The following OGA variants were observed in gnomAD, a reference collection of about 807,000 sequenced individuals.
OGA encodes the protein protein O-GlcNAcase.
Under a neutral mutation model 102.0 loss-of-function variants are expected in OGA, and 21 were observed. The ratio of observed to expected loss-of-function variants is 0.21; its 90% CI spans 0.15 to 0.30. The LOEUF (loss-of-function observed/expected upper bound fraction) is 0.30. OGA is among the 10% of genes least tolerant of loss of function. The pLI is 1.00. For synonymous variants in OGA, 408 were observed against 378.2 expected, an observed-to-expected ratio of 1.08 and a Z score of -0.91; for missense variants, 765 against 1,107.8, an observed-to-expected ratio of 0.69 and a Z score of 4.39.
chr10:101,795,216 C>T (rs969496033), intron 10 of OGA, among the ~76,000 whole-genome samples: 5 of 152,176 alleles, frequency 3.3e-5, no homozygotes, highest in African/African-American at 1.2e-4. Context: ...TCCCCTACCC[C>T]CTACTTTGAG....
At chr10:101,798,497 G>A (rs910449987) in intron 9 of OGA, among the ~76,000 whole-genome samples, 29 of 143,234 alleles carry the variant, frequency 2.0e-4, no homozygotes, top group African/African-American at 6.8e-4. Flanking sequence ...TGCAAACTCC[G>A]CCTCCCGGGT....
At position 101,803,140 on chromosome 10, in the gene OGA, C is replaced by CAA. The variant is rs370725618; in HGVS notation, c.1036+593_1036+594dup. Among the ~76,000 whole-genome samples, 17 of 64,394 alleles carry CAA rather than the reference C, an allele frequency of 2.6e-4. No individual in the cohort carries two copies. In the South Asian group the frequency reaches 4.0e-3, roughly 15 times the overall value. 42.2% of individuals were successfully genotyped at this position (64,394 alleles called of 152,430 possible). On this transcript the variant is annotated intron_variant, in intron 7 of 15. Transcript: ENST00000361464. Reference sequence around the variant, plus strand: ...TGGGCGATGGAGCAAAACTCCATCTCAAAAAAAAAAAAAAAGAGTATGTTC... The same window carrying CAA: ...TGGGCGATGGAGCAAAACTCCATCTCAAAAAAAAAAAAAAAAAGAGTATGTTC...
At chr10:101,812,963 A>G in intron 3 of OGA, 67 bp downstream of exon 3, 1 of 1,202,606 alleles carries the variant, frequency 8.3e-7, no homozygotes, top group South Asian at 1.2e-5. Flanking sequence ...TTCTTGTACA[A>G]CTACATTTAA....
chr10:101,790,250 C>T lies in OGA; in HGVS notation c.2454+646G>A, dbSNP rs562930869. 4.8e-5 allele frequency among the ~76,000 whole-genome samples: 7 copies of T among 146,982 alleles called. No homozygotes were observed. The South Asian group carries it at 1.1e-3, about 23-fold the overall frequency. On this transcript the variant is annotated intron_variant, in intron 14 of 15. Transcript: ENST00000361464. ...AAATTGTCCTGAGTACTCAACAAAA[C>T]GACCATAATATCTTGTTTTTTTTTT...
chr10:101,814,785 G>A (rs1003841457), intron 1 of OGA, among the ~76,000 whole-genome samples: 3 of 152,116 alleles, frequency 2.0e-5, no homozygotes, highest in African/African-American at 7.2e-5. Flanking sequence ...AATAAACAAA[G>A]AAAACTCAAG....
Position 101,798,989 on chromosome 10 carries a change from G to A in OGA, c.1662C>T (p.Thr554=). The A allele has an allele frequency of 1.2e-6, 2 of 1,614,082 alleles. No individual in the cohort carries two copies. Among genetic ancestry groups the A allele is most frequent in the Non-Finnish European group, 1.7e-6 (2 of 1,180,020 alleles). Residue 554 remains threonine (T), a synonymous_variant, in exon 9 of 16, where the codon ACC becomes ACT. Transcript: ENST00000361464. ...CAGCAAGTAACTGCAAATCCTCCAG[G>A]GTCACTGGTTCCGCAGTGTACAAAG... ...EKPLYTAEPV[T]LEDLQLLADL...
At chr10:101,802,687 A>C (rs2065409135) in intron 7 of OGA, among the ~76,000 whole-genome samples, 1 of 151,752 alleles carries the variant, frequency 6.6e-6, no homozygotes, top group East Asian at 2.0e-4. Flanking sequence ...AAAAAAAAAA[A>C]CTACTTTATT....
chr10:101,803,250 T>A (rs140827883), intron 7 of OGA, among the ~76,000 whole-genome samples: 17 of 151,812 alleles, frequency 1.1e-4, no homozygotes, highest in African/African-American at 4.1e-4. Flanking sequence ...TTCAATAAAA[T>A]TGCCTGAAAA....
rs768048738 is a variant in OGA, at chr10:101,803,961, A to T, written c.810T>A (p.Ile270=). The change falls in exon 7 of 16, where the codon ATT becomes ATA. Residue 270 remains isoleucine, a synonymous_variant. Transcript: ENST00000361464. ...PVESIEEVSK[I]IKRAPVIWDN... ...CCCAGATTACTGGAGCTCTCTTAAT[A>T]ATCTTAGAAACCTCTTCGATGGACT... 6.2e-7 allele frequency: 1 copy of T among 1,614,062 alleles called. No homozygotes were observed. Among genetic ancestry groups the T allele is most frequent in the Non-Finnish European group, 8.5e-7 (1 of 1,179,916 alleles).
intron 14 of OGA, 33 bp downstream of exon 14, chr10:101,790,863 T>C (rs1161380356): frequency 1.4e-6 from 2 of 1,420,100 alleles, no homozygotes; most frequent in Non-Finnish European, 1.9e-6. Context: ...AAAAAGACCA[T>C]TACCATAGTA....
At chr10:101,790,375 C>G (rs548690177) in intron 14 of OGA, among the ~76,000 whole-genome samples, 1 of 147,636 alleles carries the variant, frequency 6.8e-6, no homozygotes, top group African/African-American at 2.5e-5. Flanking sequence ...TGGGTTCAAG[C>G]AATTCTCCTG....
intron 4 of OGA, among the ~76,000 whole-genome samples, chr10:101,809,773 A>G (rs1285054422): frequency 6.6e-6 from 1 of 151,806 alleles, no homozygotes; most frequent in Admixed American, 6.6e-5. Context: ...AAAGAAATAA[A>G]AAACCAGGCA....
rs2065617972 is a variant in OGA at position 101,815,961 on chromosome 10, GAGAAAAAAAAAAAAAAAA to G, written c.199+1845_199+1862del. Among the ~76,000 whole-genome samples the G allele has an allele frequency of 5.5e-4, 13 of 23,790 alleles. No homozygotes were observed. The East Asian group carries it at 0.017, about 30-fold the overall frequency. 15.6% of individuals were successfully genotyped at this position (23,790 alleles called of 152,430 possible). ...TGCCAACCAAGAGGTATCAAAAAGA[GAGAAAAAAAAAAAAAAAA>G]AAAAAAAAAAAGCCAGGCGCGGTAG... On this transcript the variant is annotated intron_variant, in intron 1 of 15. Transcript: ENST00000361464.
chr10:101,810,444 G>T, intron 3 of OGA, 130 bp from the exon 4 acceptor site: 1 of 846,454 alleles, frequency 1.2e-6, no homozygotes, highest in Non-Finnish European at 1.8e-6. Flanking sequence ...TTTACAAATT[G>T]TCATGTCCAA....
Position 101,804,978 on chromosome 10 carries a change from G to A in OGA, c.752-959C>T, listed in dbSNP as rs533544216. ...TTATAAAATAGAAGAGTTTCCTAAC[G>A]CTGCTTAAGGATGGGATCAATACCT... On this transcript the variant is annotated intron_variant, in intron 6 of 15. Coordinates refer to ENST00000361464, the MANE Select transcript of OGA (RefSeq NM_012215.5). Among the ~76,000 whole-genome samples the A allele has an allele frequency of 2.0e-4, 30 of 152,060 alleles. No homozygotes were observed. In the South Asian group the frequency reaches 6.3e-3, roughly 32 times the overall value.
chr10:101,804,595 A>G (rs991304900), intron 6 of OGA, among the ~76,000 whole-genome samples: 27 of 151,732 alleles, frequency 1.8e-4, no homozygotes, highest in African/African-American at 6.1e-4. Context: ...ATTTTATAAC[A>G]ACGTTTCTTT....
At chr10:101,802,119 T>C (rs1462818565) in intron 7 of OGA, among the ~76,000 whole-genome samples, 1 of 151,984 alleles carries the variant, frequency 6.6e-6, no homozygotes, top group African/African-American at 2.4e-5. Flanking sequence ...CACTCCAGCC[T>C]GGGCAACAGA....
At chr10:101,813,467 G>C in intron 2 of OGA, 88 bp downstream of exon 2, 1 of 834,400 alleles carries the variant, frequency 1.2e-6, no homozygotes, top group Non-Finnish European at 1.9e-6. Context: ...AAATGCACCT[G>C]GGCTATTCAC....
At chr10:101,816,863 C>CAT (rs1354478221) in intron 1 of OGA, among the ~76,000 whole-genome samples, 2 of 152,236 alleles carry the variant, frequency 1.3e-5, no homozygotes, top group East Asian at 3.9e-4. Flanking sequence ...ATCCTTTTTC[C>CAT]ATACCTTTTT....
Sources: allele counts gnomAD v4.1 joint callset (sites outside exome capture counted in the v4.1 genomes callset), GRCh38; gene constraint gnomAD v4.1.1; transcripts MANE v1.5; gene names NCBI Gene and HGNC (gene_info 2026-07-23, HGNC 2026-07-21).